The following SP140L variants were observed in gnomAD, a reference collection of about 807,000 sequenced individuals.
SP140L encodes nuclear body protein SP140-like protein.
Under a neutral mutation model 84.3 loss-of-function variants are expected in SP140L, and 64 were observed. The ratio of observed to expected loss-of-function variants is 0.76; its 90% CI spans 0.62 to 0.94. The LOEUF is 0.94. Ranked by LOEUF, SP140L falls within the 40% of genes least tolerant of loss-of-function variation. The pLI is 0.00. For synonymous variants in SP140L, 242 were observed against 236.9 expected (o/e 1.02, Z -0.20); for missense variants, 628 against 692.5 (o/e 0.91, Z 1.05).
chr2:230,330,296 T>C (rs2059691567), intron 2 of SP140L, among the ~76,000 whole-genome samples: 1 of 152,196 alleles, frequency 6.6e-6, no homozygotes, highest in Admixed American at 6.5e-5. Context: ...TCCCCACTTA[T>C]TGTGAACCAG....
chr2:230,350,343 A>T (rs1483787885), intron 2 of SP140L, among the ~76,000 whole-genome samples: 2 of 152,246 alleles, frequency 1.3e-5, no homozygotes, highest in African/African-American at 4.8e-5. Context: ...TTAAATAGCT[A>T]TGTAATATTT....
chr2:230,388,768 A>C, intron 10 of SP140L, 135 bp downstream of exon 10: 1 of 764,714 alleles, frequency 1.3e-6, no homozygotes, highest in Non-Finnish European at 1.9e-6. Context: ...AACATATCTT[A>C]TTAAGTCATT....
intron 2 of SP140L, among the ~76,000 whole-genome samples, chr2:230,342,436 C>A (rs571547226): frequency 3.3e-5 from 5 of 152,366 alleles, no homozygotes; most frequent in Admixed American, 2.0e-4. Flanking sequence ...GATGGAAATG[C>A]AGAAATCACC....
intron 2 of SP140L, among the ~76,000 whole-genome samples, chr2:230,345,264 T>C (rs2060174634): frequency 6.6e-6 from 1 of 152,244 alleles, no homozygotes; most frequent in Non-Finnish European, 1.5e-5. Context: ...CTCTTTGTCT[T>C]ATGTGGCCAT....
chr2:230,335,827 G>C (rs1224591869), intron 2 of SP140L, among the ~76,000 whole-genome samples: 1 of 152,104 alleles, frequency 6.6e-6, no homozygotes, highest in Non-Finnish European at 1.5e-5. Flanking sequence ...TAAAATGATG[G>C]TATCAACAAT....
At chr2:230,394,726 C>G (rs1220975069) in intron 13 of SP140L, among the ~76,000 whole-genome samples, 2 of 152,180 alleles carry the variant, frequency 1.3e-5, no homozygotes, top group Non-Finnish European at 2.9e-5. Context: ...ATGGGGAGAA[C>G]AGAGGTCCCC....
At chr2:230,374,908 T>C (rs2061195461) in intron 7 of SP140L, among the ~76,000 whole-genome samples, 1 of 152,236 alleles carries the variant, frequency 6.6e-6, no homozygotes, top group Non-Finnish European at 1.5e-5. Context: ...TCTTGCTTTA[T>C]TGCAATATTC....
intron 3 of SP140L, among the ~76,000 whole-genome samples, chr2:230,358,394 A>C (rs2060613518): frequency 6.6e-6 from 1 of 152,182 alleles, no homozygotes; most frequent in Admixed American, 6.5e-5. Flanking sequence ...TTCTTTCTCC[A>C]ACACATTTGT....
chr2:230,371,228 T>C (rs2061058119), intron 6 of SP140L, among the ~76,000 whole-genome samples: 1 of 152,248 alleles, frequency 6.6e-6, no homozygotes, highest in Non-Finnish European at 1.5e-5. Context: ...TGCATTAATA[T>C]GTTAAGTCAC....
At chr2:230,380,961 T>C (rs1387487632) in intron 7 of SP140L, among the ~76,000 whole-genome samples, 1 of 151,488 alleles carries the variant, frequency 6.6e-6, no homozygotes, top group Non-Finnish European at 1.5e-5. Flanking sequence ...TCCTGTTTTT[T>C]CATATCTCTT....
chr2:230,337,336 G>A (rs536808462), intron 2 of SP140L, among the ~76,000 whole-genome samples: 8 of 152,146 alleles, frequency 5.3e-5, no homozygotes, highest in Admixed American at 1.3e-4. Flanking sequence ...CTTTTTGATC[G>A]GGTTGTTTGT....
chr2:230,374,070 C>T (rs1350014688), intron 7 of SP140L, among the ~76,000 whole-genome samples: 3 of 152,184 alleles, frequency 2.0e-5, no homozygotes, highest in Non-Finnish European at 4.4e-5. Context: ...AATCCCAGCA[C>T]TTTGGGAGGC....
chr2:230,348,450 T>G (rs2060273709), intron 2 of SP140L, among the ~76,000 whole-genome samples: 1 of 152,228 alleles, frequency 6.6e-6, no homozygotes, highest in African/African-American at 2.4e-5. Context: ...TTTGTTGTGG[T>G]TTGAATTTGC....
chr2:230,352,430 G>A (rs1434006475), intron 2 of SP140L, among the ~76,000 whole-genome samples: 2 of 152,136 alleles, frequency 1.3e-5, no homozygotes, highest in Admixed American at 1.3e-4. Flanking sequence ...ACAAATCAGA[G>A]CAAGAGAGAG....
chr2:230,393,546 G>A, intron 13 of SP140L, 85 bp downstream of exon 13: 1 of 1,408,590 alleles, frequency 7.1e-7, no homozygotes, highest in Non-Finnish European at 9.3e-7. Context: ...GTCTCCAATT[G>A]GGTAACTATA....
chr2:230,371,871 C>A (rs1206504648), intron 7 of SP140L: 2 of 514,644 alleles, frequency 3.9e-6, no homozygotes, highest in Non-Finnish European at 7.2e-6. Context: ...AATTTAGAGA[C>A]CTTGAAATGG....
chr2:230,373,984 G>A (rs1029269868), intron 7 of SP140L, among the ~76,000 whole-genome samples: 2 of 152,162 alleles, frequency 1.3e-5, no homozygotes, highest in African/African-American at 2.4e-5. Flanking sequence ...CTTCAGTGGA[G>A]GAAGTCACTG....
chr2:230,350,913 G>A (rs796147933), intron 2 of SP140L, among the ~76,000 whole-genome samples: 9 of 152,214 alleles, frequency 5.9e-5, no homozygotes, highest in African/African-American at 2.2e-4. Flanking sequence ...ATTCCCTAAG[G>A]CTAGAGTATG....
chr2:230,379,318 TG>T (rs1448698014), intron 7 of SP140L, among the ~76,000 whole-genome samples: 2 of 152,146 alleles, frequency 1.3e-5, no homozygotes, highest in Admixed American at 6.5e-5. Flanking sequence ...TCTGATGGAT[TG>T]ATATAAAATT....
Sources: gnomAD v4.1 joint callset for allele counts (sites outside exome capture counted in the v4.1 genomes callset) on GRCh38, gnomAD v4.1.1 for gene constraint, MANE v1.5 for transcripts, NCBI Gene and HGNC (gene_info 2026-07-23, HGNC 2026-07-21) for gene names.